NALF1: variants seen among roughly 807,000 people sequenced by gnomAD.
The protein encoded by NALF1 is NALCN channel auxiliary factor 1.
Under a neutral mutation model 48.4 loss-of-function variants are expected in NALF1, and 3 were observed. The ratio of observed to expected loss-of-function variants is 0.06; its 90% CI spans 0.03 to 0.16. The LOEUF (loss-of-function observed/expected upper bound fraction) is 0.16. Among genes scored for constraint, NALF1 ranks in the 10% least tolerant of loss-of-function variants. NALF1 has a pLI of 1.00. For synonymous variants in NALF1, 262 were observed against 245.7 expected, an observed-to-expected ratio of 1.07 and a Z score of -0.62; for missense variants, 526 against 571.5, an observed-to-expected ratio of 0.92 and a Z score of 0.81.
At chr13:107,186,014 T>C (rs1169667197) in intron 2 of NALF1, among the ~76,000 whole-genome samples, 4 of 152,192 alleles carry the variant, frequency 2.6e-5, no homozygotes, top group South Asian at 2.1e-4. Context: ...TTCTGAGTAG[T>C]GCGAAAAAAG....
intron 1 of NALF1, among the ~76,000 whole-genome samples, chr13:107,676,437 ATG>A (rs1566439739): frequency 6.6e-6 from 1 of 152,136 alleles, no homozygotes; most frequent in Admixed American, 6.5e-5. Context: ...GTATAAAAAT[ATG>A]TGGCATATTT....
chr13:107,568,515 A>C, intron 1 of NALF1, among the ~76,000 whole-genome samples: 1 of 152,216 alleles, frequency 6.6e-6, no homozygotes, highest in East Asian at 1.9e-4. Context: ...TAGTTTTGAA[A>C]GGCAGTACCA....
chr13:107,284,272 T>C (rs1317998284), intron 1 of NALF1, among the ~76,000 whole-genome samples: 2 of 152,120 alleles, frequency 1.3e-5, no homozygotes, highest in African/African-American at 4.8e-5. Flanking sequence ...CCAGTTAGTA[T>C]ATTTAATACT....
At chr13:107,757,418 T>C in intron 1 of NALF1, among the ~76,000 whole-genome samples, 1 of 134,492 alleles carries the variant, frequency 7.4e-6, no homozygotes, top group Non-Finnish European at 1.6e-5. Flanking sequence ...CTCATTTCTT[T>C]TTTTTTTTTT....
At chr13:107,774,963 C>A (rs1055199251) in intron 1 of NALF1, among the ~76,000 whole-genome samples, 3 of 152,172 alleles carry the variant, frequency 2.0e-5, no homozygotes, top group African/African-American at 7.2e-5. Context: ...CTATGTCTCC[C>A]AATGAACTGT....
intron 1 of NALF1, among the ~76,000 whole-genome samples, chr13:107,444,495 A>C (rs1193367674): frequency 6.6e-6 from 1 of 151,492 alleles, no homozygotes; most frequent in East Asian, 1.9e-4. Context: ...CTTATTCTAT[A>C]AATAAGAGAG....
At chr13:107,749,898 C>T (rs937228896) in intron 1 of NALF1, among the ~76,000 whole-genome samples, 1 of 151,950 alleles carries the variant, frequency 6.6e-6, no homozygotes, top group Non-Finnish European at 1.5e-5. Flanking sequence ...TGGCTCACTG[C>T]AACCTCCACC....
intron 1 of NALF1, among the ~76,000 whole-genome samples, chr13:107,502,116 A>C (rs1324678269): frequency 6.6e-6 from 1 of 152,184 alleles, no homozygotes; most frequent in Admixed American, 6.6e-5. Flanking sequence ...CGAATGAAAA[A>C]AGAGATTATA....
At chr13:107,248,246 C>A (rs2138841570) in intron 1 of NALF1, among the ~76,000 whole-genome samples, 1 of 152,104 alleles carries the variant, frequency 6.6e-6, no homozygotes, top group Middle Eastern at 3.4e-3. Context: ...AGAAAAGGCC[C>A]AGGTAATCGT....
At chr13:107,290,716 A>G (rs1881604289) in intron 1 of NALF1, among the ~76,000 whole-genome samples, 1 of 152,176 alleles carries the variant, frequency 6.6e-6, no homozygotes, top group African/African-American at 2.4e-5. Flanking sequence ...ATACAGATGT[A>G]TTTCTTGTAT....
chr13:107,501,405 A>AT (rs1187321041), intron 1 of NALF1, among the ~76,000 whole-genome samples: 26 of 151,516 alleles, frequency 1.7e-4, no homozygotes, highest in Admixed American at 1.2e-3. Flanking sequence ...ACTTTGTTTA[A>AT]TTTTTTTTTA....
At chr13:107,633,389 G>A (rs1287165344) in intron 1 of NALF1, among the ~76,000 whole-genome samples, 1 of 151,886 alleles carries the variant, frequency 6.6e-6, no homozygotes, top group East Asian at 1.9e-4. Flanking sequence ...CCAAGACAAG[G>A]AATAACTAGA....
At chr13:107,246,573 A>G (rs1245323111) in intron 1 of NALF1, among the ~76,000 whole-genome samples, 1 of 152,202 alleles carries the variant, frequency 6.6e-6, no homozygotes, top group Non-Finnish European at 1.5e-5. Flanking sequence ...ATATCCTCAA[A>G]GATGCAGTTC....
At chr13:107,210,476 G>A (rs773050026) in intron 2 of NALF1, 108 bp downstream of exon 2, 5 of 769,602 alleles carry the variant, frequency 6.5e-6, no homozygotes, top group Non-Finnish European at 8.8e-6. Context: ...ACTACCAGCC[G>A]CATCTTCAAG....
Position 107,269,913 on chromosome 13 carries a change from A to ATTT in NALF1, c.916-59161_916-59159dup, listed in dbSNP as rs71121514. 3.5e-3 allele frequency among the ~76,000 whole-genome samples: 309 copies of ATTT among 89,012 alleles called. 15 individuals carry two copies. The highest frequency in any genetic ancestry group is 0.011 in the African/African-American group (231 of 20,744). The allele number at this position is 89,012 out of a possible 152,430, so 58.4% of individuals were successfully genotyped here. On this transcript the variant is annotated intron_variant, in intron 1 of 2. Coordinates refer to ENST00000375915, the MANE Select transcript of NALF1 (RefSeq NM_001080396.3). The stretch of plus-strand genomic sequence containing the variant: ...AGGTGCCCACCACCACGCCCGGCTA[A>ATTT]TTTTTTTTTTTTTTTTTTTTTTTTT...
chr13:107,847,354 G>A (rs982152636), intron 1 of NALF1, among the ~76,000 whole-genome samples: 6 of 152,080 alleles, frequency 3.9e-5, no homozygotes, highest in East Asian at 1.9e-4. Context: ...ATAATGTAAC[G>A]GATGTGCAAA....
intron 1 of NALF1, among the ~76,000 whole-genome samples, chr13:107,668,955 T>C (rs967426210): frequency 6.6e-6 from 1 of 152,076 alleles, no homozygotes; most frequent in Non-Finnish European, 1.5e-5. Flanking sequence ...AAAAAAAAGA[T>C]ACCTTCGAAA....
chr13:107,858,082 T>C (rs1880481717), intron 1 of NALF1, among the ~76,000 whole-genome samples: 1 of 152,242 alleles, frequency 6.6e-6, no homozygotes, highest in African/African-American at 2.4e-5. Flanking sequence ...GTTCTTCTGA[T>C]CTTCACATTA....
intron 1 of NALF1, among the ~76,000 whole-genome samples, chr13:107,512,103 G>A (rs74112100): frequency 0.031 from 4,765 of 152,310 alleles, 257 homozygotes; most frequent in African/African-American, 0.11. Flanking sequence ...AGAAAAACCT[G>A]GTTTACTTTG....
Sources: allele counts gnomAD v4.1 joint callset (sites outside exome capture counted in the v4.1 genomes callset), GRCh38; gene constraint gnomAD v4.1.1; transcripts MANE v1.5; gene names NCBI Gene and HGNC (gene_info 2026-07-23, HGNC 2026-07-21).